SPAG17: variants seen among roughly 807,000 people sequenced by gnomAD.
SPAG17 encodes the protein sperm associated antigen 17.
SPAG17 carries 169 observed loss-of-function variants against 273.6 expected under a neutral mutation model. The ratio of observed to expected loss-of-function variants is 0.62; its 90% CI spans 0.55 to 0.70. The LOEUF (loss-of-function observed/expected upper bound fraction) is 0.70. SPAG17 is among the 30% of genes least tolerant of loss of function. SPAG17 has a pLI of 0.00. For synonymous variants in SPAG17, 825 were observed against 873.2 expected (o/e 0.94, Z 0.97); for missense variants, 2,557 against 2,627.8 (o/e 0.97, Z 0.59).
intron 18 of SPAG17, 101 bp downstream of exon 18, chr1:118,066,644 C>T (rs1340133590): frequency 4.4e-6 from 4 of 909,714 alleles, no homozygotes; most frequent in East Asian, 2.5e-5. Flanking sequence ...TTGAGCTGAA[C>T]CCCCTAGCTT....
chr1:117,973,464 A>C lies in SPAG17; in HGVS notation c.6102T>G (p.Tyr2034Ter), dbSNP rs1280024169. The C allele has an allele frequency of 6.2e-7, 1 of 1,613,946 alleles. No homozygotes were observed. The change falls in exon 44 of 49, where the codon TAT becomes TAG. Residue 2034 changes from tyrosine to a stop codon, truncating the protein, a stop_gained. Transcript: ENST00000336338. LOFTEE classifies it high-confidence loss of function. ...TRKEKVKLPHYLLSSKPKSQP... is the reference protein window; with the variant it reads ...TRKEKVKLPH The stretch of plus-strand genomic sequence containing the variant: ...GAGACTTAGGCTTGGAACTCAGCAA[A>C]TAATGAGGCAACTTCACTTTTTCTT...
chr1:118,002,020 G>A (rs1211331828), intron 32 of SPAG17, among the ~76,000 whole-genome samples: 1 of 152,082 alleles, frequency 6.6e-6, no homozygotes, highest in Non-Finnish European at 1.5e-5. Flanking sequence ...CTGGTATGTT[G>A]TGTCTTTGTT....
intron 3 of SPAG17, among the ~76,000 whole-genome samples, chr1:118,123,345 G>A (rs1009771570): frequency 1.3e-4 from 20 of 152,288 alleles, no homozygotes; most frequent in Non-Finnish European, 2.9e-4. Context: ...GAAAGGATAA[G>A]GGTAGCAGTG....
chr1:118,072,951 C>A (rs1653748428), intron 17 of SPAG17, among the ~76,000 whole-genome samples: 1 of 150,536 alleles, frequency 6.6e-6, no homozygotes, highest in Admixed American at 6.7e-5. Flanking sequence ...AGTAAAGTAA[C>A]AAAAGAAAGG....
Position 118,018,920 on chromosome 1 carries a change from A to G in SPAG17, c.4070-2738T>C, listed in dbSNP as rs967930203. Among the ~76,000 whole-genome samples the G allele has an allele frequency of 5.9e-5, 9 of 151,918 alleles. 1 individual carries two copies. Among genetic ancestry groups the G allele is most frequent in the African/African-American group, 2.2e-4 (9 of 41,318 alleles). On this transcript the variant is annotated intron_variant, in intron 28 of 48. Coordinates refer to ENST00000336338, the MANE Select transcript of SPAG17 (RefSeq NM_206996.4). ...ACTAAAACATCTAAAGACAAGTCCC[A>G]GCTACTCTAGTGGCTGAGATGGGAG...
chr1:118,141,208 C>T (rs1472905638), intron 3 of SPAG17, among the ~76,000 whole-genome samples: 4 of 152,186 alleles, frequency 2.6e-5, no homozygotes, highest in African/African-American at 7.2e-5. Context: ...CTATTTTGTT[C>T]ACCAAGGTCA....
intron 32 of SPAG17, among the ~76,000 whole-genome samples, chr1:118,002,375 C>A (rs1658391661): frequency 6.6e-6 from 1 of 152,118 alleles, no homozygotes; most frequent in South Asian, 2.1e-4. Context: ...TCCTGGATAT[C>A]CCTGTTAACC....
intron 3 of SPAG17, among the ~76,000 whole-genome samples, chr1:118,119,307 A>C (rs982124708): frequency 3.3e-5 from 5 of 152,160 alleles, no homozygotes; most frequent in Non-Finnish European, 5.9e-5. Context: ...TCTCGAGTGA[A>C]TTCTGAGGTT....
At chr1:117,968,664 T>C (rs1211779057) in intron 46 of SPAG17, among the ~76,000 whole-genome samples, 1 of 152,220 alleles carries the variant, frequency 6.6e-6, no homozygotes, top group Non-Finnish European at 1.5e-5. Context: ...CTTGATGGCA[T>C]AGTCGTGACA....
intron 40 of SPAG17, among the ~76,000 whole-genome samples, chr1:117,987,543 C>A (rs1194703867): frequency 6.6e-6 from 1 of 152,180 alleles, no homozygotes; most frequent in African/African-American, 2.4e-5. Flanking sequence ...TGACTGTGTT[C>A]TGCATTAAGT....
Position 118,081,124 on chromosome 1 carries a change from G to A in SPAG17, c.2186C>T (p.Ala729Val). ...ACCCAGAGACTCATGTTGGGGCTGAGCCTTCATGATGCTCTCCTGCTCTAA... is the reference window on the plus strand; with the variant it reads ...ACCCAGAGACTCATGTTGGGGCTGAACCTTCATGATGCTCTCCTGCTCTAA... ...QLLEQESIMK[A>V]QPQHESLEQT... The change falls in exon 15 of 49, where the codon GCT (alanine) becomes GTT (valine). Residue 729 changes from alanine (A) to valine (V), a missense_variant. By Grantham distance (64) the Ala-to-Val change is moderately conservative. Coordinates refer to ENST00000336338, the MANE Select transcript of SPAG17 (RefSeq NM_206996.4). 1 of 1,613,588 alleles carries A rather than the reference G, an allele frequency of 6.2e-7. No homozygotes were observed. The highest frequency in any genetic ancestry group is 8.5e-7 in the Non-Finnish European group (1 of 1,179,738).
intron 3 of SPAG17, among the ~76,000 whole-genome samples, chr1:118,144,677 G>A (rs1658873948): frequency 6.6e-6 from 1 of 152,172 alleles, no homozygotes; most frequent in Non-Finnish European, 1.5e-5. Context: ...CCCTGGTGTG[G>A]GCCACGTTCT....
chr1:118,171,742 T>C (rs1660427796), intron 1 of SPAG17, among the ~76,000 whole-genome samples: 1 of 152,152 alleles, frequency 6.6e-6, no homozygotes, highest in African/African-American at 2.4e-5. Flanking sequence ...ATCTACCTCA[T>C]AGCACTGCTG....
chr1:118,029,121 A>G (rs1292622832), intron 25 of SPAG17, among the ~76,000 whole-genome samples: 2 of 152,122 alleles, frequency 1.3e-5, no homozygotes, highest in Non-Finnish European at 2.9e-5. Flanking sequence ...ATGATGGTAC[A>G]TGCCTGTGGT....
intron 48 of SPAG17, chr1:117,955,118 A>C: frequency 2.1e-6 from 1 of 473,410 alleles, no homozygotes; most frequent in South Asian, 4.6e-5. Context: ...CTTGACTTGT[A>C]GCATAGTTGG....
chr1:118,035,714 T>G (rs1159573363), intron 24 of SPAG17, among the ~76,000 whole-genome samples: 1 of 152,198 alleles, frequency 6.6e-6, no homozygotes, highest in Non-Finnish European at 1.5e-5. Flanking sequence ...TAACATAAAG[T>G]TTTAAGTTTA....
chr1:118,129,680 C>T (rs941298655), intron 3 of SPAG17, among the ~76,000 whole-genome samples: 1 of 149,928 alleles, frequency 6.7e-6, no homozygotes, highest in Admixed American at 6.7e-5. Flanking sequence ...CTTTCTCTAC[C>T]TTCTTCTTCT....
Position 118,031,739 on chromosome 1 carries a change from T to C in SPAG17, c.3562A>G (p.Lys1188Glu), listed in dbSNP as rs1361301286. 3.1e-6 allele frequency: 5 copies of C among 1,613,798 alleles called. No individual in the cohort carries two copies. The East Asian group carries it at 1.1e-4, about 36-fold the overall frequency. The change falls in exon 25 of 49, where the codon AAA (lysine) becomes GAA (glutamate). Residue 1188 changes from lysine (K) to glutamate (E), a missense_variant. Physicochemically the swap from Lys to Glu is moderately conservative, Grantham distance 56. Transcript: ENST00000336338. ...KGKIKGKEKPKESLKEEEHPK... is the reference protein window; with the variant it reads ...KGKIKGKEKPEESLKEEEHPK... ...TGTTCTTCTTCTTTAAGGGATTCTTTGGGTTTTTCTTTGCCTTTTATTTTC... is the reference window on the plus strand; with the variant it reads ...TGTTCTTCTTCTTTAAGGGATTCTTCGGGTTTTTCTTTGCCTTTTATTTTC...
Position 118,012,179 on chromosome 1 carries a change from C to T in SPAG17, c.4432+49G>A, listed in dbSNP as rs115339722. On this transcript the variant is annotated intron_variant, in intron 30 of 48. Coordinates refer to ENST00000336338, the MANE Select transcript of SPAG17 (RefSeq NM_206996.4). The stretch of plus-strand genomic sequence containing the variant: ...GTCAGTGAGGATTCTATCTAACTTA[C>T]GCTAAAGAGTTATAAAATATTGTCA... 8.0e-4 allele frequency: 1,247 copies of T among 1,564,776 alleles called. 7 individuals carry two copies. The African/African-American group carries it at 0.013, about 17-fold the overall frequency.
Sources: gnomAD v4.1 joint callset for allele counts (sites outside exome capture counted in the v4.1 genomes callset) on GRCh38, gnomAD v4.1.1 for gene constraint, MANE v1.5 for transcripts, NCBI Gene and HGNC (gene_info 2026-07-23, HGNC 2026-07-21) for gene names.